ITPR1: variants seen among roughly 807,000 people sequenced by gnomAD.
The protein encoded by ITPR1 is inositol 1,4,5-trisphosphate receptor type 1, also known as inositol 1,4,5-trisphosphate-gated calcium channel ITPR1.
In ITPR1, 96 loss-of-function variants were observed where a neutral mutation model predicts 318.4. The observed-to-expected ratio is 0.30, with a 90% CI of 0.26 to 0.36. ITPR1 has a LOEUF of 0.36. Among genes scored for constraint, ITPR1 ranks in the 10% least tolerant of loss-of-function variants. ITPR1 has a pLI of 1.00. For synonymous variants in ITPR1, 1,312 were observed against 1,289.9 expected (o/e 1.02, Z -0.37); for missense variants, 2,440 against 3,460.2 (o/e 0.71, Z 7.40).
chr3:4,738,804 T>G (rs1386828994), intron 44 of ITPR1, among the ~76,000 whole-genome samples: 1 of 152,128 alleles, frequency 6.6e-6, no homozygotes, highest in African/African-American at 2.4e-5. Context: ...CATGATGGAG[T>G]TACCGCAGTT....
At chr3:4,834,050 C>G (rs1181949199) in intron 60 of ITPR1, among the ~76,000 whole-genome samples, 4 of 152,142 alleles carry the variant, frequency 2.6e-5, no homozygotes, top group Non-Finnish European at 5.9e-5. Flanking sequence ...CACCACCACA[C>G]CGAGCTAATT....
intron 39 of ITPR1, 91 bp from the exon 40 acceptor site, chr3:4,717,276 C>A: frequency 1.8e-6 from 2 of 1,113,168 alleles, no homozygotes; most frequent in Non-Finnish European, 2.7e-6. Flanking sequence ...GGAGAAACGT[C>A]AGCAATAAGA....
intron 44 of ITPR1, among the ~76,000 whole-genome samples, chr3:4,740,996 A>G (rs751846087): frequency 1.3e-5 from 2 of 152,130 alleles, no homozygotes; most frequent in Non-Finnish European, 2.9e-5. Context: ...TTATGAATTA[A>G]TTTTTGGCAC....
At chr3:4,581,083 A>C (rs1398775353) in intron 4 of ITPR1, among the ~76,000 whole-genome samples, 1 of 152,206 alleles carries the variant, frequency 6.6e-6, no homozygotes, top group Non-Finnish European at 1.5e-5. Context: ...AGAAGCTTAA[A>C]ATACCGCTTG....
At chr3:4,729,430 C>A (rs1014350878) in intron 42 of ITPR1, among the ~76,000 whole-genome samples, 1 of 152,188 alleles carries the variant, frequency 6.6e-6, no homozygotes, top group Non-Finnish European at 1.5e-5. Context: ...AATCCAGGCG[C>A]TACCCTCATG....
At chr3:4,755,388 T>TC (rs892917130) in intron 44 of ITPR1, among the ~76,000 whole-genome samples, 4 of 138,120 alleles carry the variant, frequency 2.9e-5, no homozygotes, top group African/African-American at 1.0e-4. Flanking sequence ...AGGTGTTTTT[T>TC]CCCCCAATTA....
intron 58 of ITPR1, 188 bp downstream of exon 58, chr3:4,814,750 G>A: frequency 1.6e-6 from 1 of 633,370 alleles, no homozygotes; most frequent in East Asian, 2.7e-5. Context: ...CGCAAAGTCA[G>A]CTGCGTGGAA....
At chr3:4,746,107 G>C (rs571817486) in intron 44 of ITPR1, among the ~76,000 whole-genome samples, 41 of 152,172 alleles carry the variant, frequency 2.7e-4, no homozygotes, top group Non-Finnish European at 2.1e-4. Flanking sequence ...TGACCACCAG[G>C]CTCGACCGCC....
At chr3:4,557,837 G>C (rs2086283722) in intron 4 of ITPR1, among the ~76,000 whole-genome samples, 1 of 152,092 alleles carries the variant, frequency 6.6e-6, no homozygotes, top group Non-Finnish European at 1.5e-5. Context: ...GTTTCATGTG[G>C]ATGCATACCT....
chr3:4,752,470 A>G (rs1238771314), intron 44 of ITPR1, among the ~76,000 whole-genome samples: 1 of 152,166 alleles, frequency 6.6e-6, no homozygotes, highest in Non-Finnish European at 1.5e-5. Flanking sequence ...AAGCCCGTAG[A>G]GGTGACAACA....
chr3:4,661,645 G>T (rs1421756777), intron 14 of ITPR1, among the ~76,000 whole-genome samples: 2 of 152,140 alleles, frequency 1.3e-5, no homozygotes, highest in Non-Finnish European at 2.9e-5. Context: ...ATTGGGGAAG[G>T]TTATTGAAAT....
Position 4,697,249 on chromosome 3 carries a change from A to T in ITPR1, c.4384A>T (p.Asn1462Tyr). 1 of 1,564,330 alleles carries T rather than the reference A, an allele frequency of 6.4e-7. No homozygotes were observed. Among genetic ancestry groups the T allele is most frequent in the Non-Finnish European group, 8.7e-7 (1 of 1,153,390 alleles). ...TSNHMWKLFE[N>Y]FLVDICRACN... ...CAATCACATGTGGAAATTGTTTGAG[A>T]ATTTCCTTGTAGACATCTGCAGGGT... is the stretch of plus-strand genomic sequence containing the variant. The change falls in exon 34 of 62, where the codon AAT becomes TAT. Residue 1462 changes from asparagine to tyrosine, a missense_variant. Around this residue, in one of 23 missense-constraint regions of ITPR1, gnomAD observed 73 missense variants for 59.5 expected, o/e 1.23. Transcript: ENST00000649015.
intron 34 of ITPR1, among the ~76,000 whole-genome samples, chr3:4,698,804 T>A (rs1196367969): frequency 1.3e-5 from 2 of 152,212 alleles, no homozygotes; most frequent in Non-Finnish European, 2.9e-5. Flanking sequence ...CTTTTCAGCA[T>A]AAGCAATTTT....
At chr3:4,673,043 A>G in intron 20 of ITPR1, 93 bp from the exon 21 acceptor site, 1 of 1,382,628 alleles carries the variant, frequency 7.2e-7, no homozygotes, top group Non-Finnish European at 9.8e-7. Flanking sequence ...GCCAAATGTC[A>G]CTCCCATGAC....
chr3:4,767,396 G>A (rs1019655416), intron 45 of ITPR1, among the ~76,000 whole-genome samples: 1 of 152,278 alleles, frequency 6.6e-6, no homozygotes, highest in Non-Finnish European at 1.5e-5. Flanking sequence ...CCTGGGCGGG[G>A]TTGGGGGCAA....
At chr3:4,813,032 G>T in intron 56 of ITPR1, 110 bp from the exon 57 acceptor site, 1 of 797,516 alleles carries the variant, frequency 1.3e-6, no homozygotes. Flanking sequence ...CAAGATTCTA[G>T]GGTGTTATTT....
intron 4 of ITPR1, among the ~76,000 whole-genome samples, chr3:4,539,429 T>G (rs1303004929): frequency 6.6e-6 from 1 of 152,150 alleles, no homozygotes; most frequent in East Asian, 1.9e-4. Flanking sequence ...ATATATGAGT[T>G]TGTTGGTTTT....
intron 4 of ITPR1, among the ~76,000 whole-genome samples, chr3:4,577,651 C>T (rs2088830492): frequency 6.6e-6 from 1 of 152,156 alleles, no homozygotes; most frequent in South Asian, 2.1e-4. Context: ...AATACCTTTG[C>T]TGTTGAAATT....
chr3:4,753,056 C>T (rs1034894286), intron 44 of ITPR1, among the ~76,000 whole-genome samples: 1 of 152,188 alleles, frequency 6.6e-6, no homozygotes, highest in African/African-American at 2.4e-5. Context: ...AGCTGAGACC[C>T]AACAGATGCG....
Sources: allele counts gnomAD v4.1 joint callset (sites outside exome capture counted in the v4.1 genomes callset), GRCh38; gene constraint gnomAD v4.1.1; regional missense constraint gnomAD v4.1.1; transcripts MANE v1.5; gene names NCBI Gene and HGNC (gene_info 2026-07-23, HGNC 2026-07-21).